The following CADM2 variants were observed in gnomAD, a reference collection of about 807,000 sequenced individuals.
CADM2 encodes the protein cell adhesion molecule 2.
CADM2 carries 12 observed loss-of-function variants against 49.8 expected under a neutral mutation model. The ratio of observed to expected loss-of-function variants is 0.24; its 90% confidence interval spans 0.15 to 0.39. The LOEUF is 0.39. CADM2 is among the 10% of genes least tolerant of loss of function. CADM2 has a pLI of 1.00. For missense variants in CADM2, 378 were observed against 492.3 expected (o/e 0.77, Z 2.20); for synonymous variants, 214 against 175.4 (o/e 1.22, Z -1.74).
chr3:85,934,660 T>G (rs4856607), intron 6 of CADM2, among the ~76,000 whole-genome samples: 105,943 of 151,918 alleles, frequency 0.7, 38,555 homozygotes, highest in African/African-American at 0.92. Context: ...TACATTTTAT[T>G]TTATACTTTA....
At chr3:85,916,067 T>C (rs746225053) in intron 6 of CADM2, among the ~76,000 whole-genome samples, 1 of 152,176 alleles carries the variant, frequency 6.6e-6, no homozygotes. Context: ...CCTTGTGATA[T>C]ACAATTTATA....
intron 8 of CADM2, among the ~76,000 whole-genome samples, chr3:85,998,176 CAT>C (rs1729668181): frequency 1.3e-5 from 2 of 152,006 alleles, no homozygotes; most frequent in African/African-American, 4.8e-5. Context: ...AGTAGAGAAT[CAT>C]AGATACATAG....
At chr3:85,615,632 A>G (rs2063782941) in intron 1 of CADM2, among the ~76,000 whole-genome samples, 1 of 151,474 alleles carries the variant, frequency 6.6e-6, no homozygotes, top group African/African-American at 2.4e-5. Context: ...GAAATGAATA[A>G]TGATGACACT....
At chr3:85,718,203 G>A (rs2067366376) in intron 1 of CADM2, among the ~76,000 whole-genome samples, 1 of 152,078 alleles carries the variant, frequency 6.6e-6, no homozygotes, top group South Asian at 2.1e-4. Context: ...TGAGAATATG[G>A]GGAATAACAT....
chr3:85,707,100 G>T (rs1271950259), intron 1 of CADM2, among the ~76,000 whole-genome samples: 8 of 151,992 alleles, frequency 5.3e-5, no homozygotes, highest in Admixed American at 5.2e-4. Flanking sequence ...CCAAGTAGCT[G>T]GGACTACAGG....
At chr3:85,039,801 G>A (rs1272944970) in intron 1 of CADM2, among the ~76,000 whole-genome samples, 4 of 152,192 alleles carry the variant, frequency 2.6e-5, no homozygotes, top group Admixed American at 1.3e-4. Context: ...ATCAAGAAGC[G>A]CAGTGAGCTC....
chr3:85,963,248 G>A (rs1339926537), intron 8 of CADM2, among the ~76,000 whole-genome samples: 4 of 151,902 alleles, frequency 2.6e-5, no homozygotes, highest in African/African-American at 9.7e-5. Flanking sequence ...AGAACTAACA[G>A]TTGAATTTCT....
intron 8 of CADM2, among the ~76,000 whole-genome samples, chr3:86,052,448 G>T (rs1737458768): frequency 1.3e-5 from 2 of 152,110 alleles, no homozygotes; most frequent in Admixed American, 1.3e-4. Context: ...TGACTGTAGT[G>T]AATGCATCTT....
chr3:85,992,258 A>AT (rs2108707550), intron 8 of CADM2: 1 of 152,200 alleles, frequency 6.6e-6, no homozygotes, highest in South Asian at 2.1e-4. Flanking sequence ...AAATATTTTT[A>AT]TTTTGCATGC....
chr3:85,358,374 A>G (rs539647909), intron 1 of CADM2, among the ~76,000 whole-genome samples: 1 of 151,048 alleles, frequency 6.6e-6, no homozygotes, highest in South Asian at 2.1e-4. Flanking sequence ...GCAGAATGTT[A>G]TACATCATTT....
At chr3:85,332,896 T>C (rs901556792) in intron 1 of CADM2, among the ~76,000 whole-genome samples, 1 of 151,948 alleles carries the variant, frequency 6.6e-6, no homozygotes, top group African/African-American at 2.4e-5. Context: ...TGTTGATAAA[T>C]ATGTATGAAT....
At chr3:85,813,005 A>T (rs1020783321) in intron 3 of CADM2, among the ~76,000 whole-genome samples, 1 of 152,322 alleles carries the variant, frequency 6.6e-6, no homozygotes, top group South Asian at 2.1e-4. Context: ...TGCTGCAATA[A>T]ACATATGTGT....
intron 3 of CADM2, among the ~76,000 whole-genome samples, chr3:85,876,904 G>T (rs940975318): frequency 1.6e-4 from 25 of 152,050 alleles, no homozygotes; most frequent in African/African-American, 4.6e-4. Context: ...CCTCCAATTA[G>T]TTGTCTTAGG....
chr3:86,039,647 A>G (rs1382198327), intron 8 of CADM2, among the ~76,000 whole-genome samples: 1 of 152,044 alleles, frequency 6.6e-6, no homozygotes, highest in African/African-American at 2.4e-5. Flanking sequence ...TGTAGAATCC[A>G]CCTCTGGGGG....
intron 1 of CADM2, among the ~76,000 whole-genome samples, chr3:85,674,253 A>G (rs1043897084): frequency 1.3e-5 from 2 of 152,212 alleles, no homozygotes; most frequent in Non-Finnish European, 2.9e-5. Flanking sequence ...TCAATATGAT[A>G]AGGAAACATC....
intron 1 of CADM2, among the ~76,000 whole-genome samples, chr3:85,152,546 G>C (rs1224787108): frequency 6.6e-6 from 1 of 152,102 alleles, no homozygotes; most frequent in Non-Finnish European, 1.5e-5. Flanking sequence ...TTGTGGAGTT[G>C]GGGGTCATAT....
rs536043030 is a variant in CADM2, at chr3:85,308,001, C to T, written c.61+348333C>T. On this transcript the variant is annotated intron_variant, in intron 1 of 9. Transcript: ENST00000383699. ...GTTTAAATTTGTGGAATTCACTCAA[C>T]TTCAACCTACACAAATGTGCAACGT... Among the ~76,000 whole-genome samples the T allele has an allele frequency of 1.6e-3, 237 of 150,734 alleles. 1 individual carries two copies. The highest frequency in any genetic ancestry group is 5.3e-3 in the African/African-American group (217 of 41,244).
chr3:85,468,168 AAAAAAAAAAAAAAC>A (rs1224154054), intron 1 of CADM2, among the ~76,000 whole-genome samples: 2 of 151,362 alleles, frequency 1.3e-5, no homozygotes, highest in African/African-American at 4.9e-5. Context: ...AAAAAAAAAA[AAAAAAAAAAAAAAC>A]ATTGAGGCAG....
chr3:85,931,517 C>A (rs1374741294), intron 6 of CADM2, among the ~76,000 whole-genome samples: 1 of 152,090 alleles, frequency 6.6e-6, no homozygotes, highest in African/African-American at 2.4e-5. Flanking sequence ...TTTGTTTAAA[C>A]ACTATGCAAG....
Sources: allele counts gnomAD v4.1 joint callset (sites outside exome capture counted in the v4.1 genomes callset), GRCh38; gene constraint gnomAD v4.1.1; transcripts MANE v1.5; gene names NCBI Gene and HGNC (gene_info 2026-07-23, HGNC 2026-07-21).